The following IMPG1 variants were observed in gnomAD, a reference collection of about 807,000 sequenced individuals.
IMPG1 encodes the protein interphotoreceptor matrix proteoglycan of 150 kDa.
Under a neutral mutation model 92.0 loss-of-function variants are expected in IMPG1, and 85 were observed. That is an observed-to-expected ratio of 0.92 (90% CI 0.78 to 1.11). IMPG1 has a LOEUF of 1.11. IMPG1 is among the 50% of genes least tolerant of loss of function. The pLI is 0.00. For missense variants in IMPG1, 1,022 were observed against 956.0 expected, an observed-to-expected ratio of 1.07 and a Z score of -0.91; for synonymous variants, 367 against 334.1, an observed-to-expected ratio of 1.10 and a Z score of -1.08.
chr6:76,061,524 G>A (rs1330223713), intron 1 of IMPG1, among the ~76,000 whole-genome samples: 2 of 152,202 alleles, frequency 1.3e-5, no homozygotes, highest in Non-Finnish European at 2.9e-5. Flanking sequence ...TTGGCAAGAA[G>A]TGGAGTGTCT....
chr6:76,028,331 T>C (rs1163896710), intron 4 of IMPG1, among the ~76,000 whole-genome samples: 2 of 152,186 alleles, frequency 1.3e-5, no homozygotes, highest in Non-Finnish European at 2.9e-5. Context: ...TTCTGTTAAC[T>C]TTGGAGATTG....
At chr6:76,029,540 G>A (rs917447624) in intron 4 of IMPG1, among the ~76,000 whole-genome samples, 8 of 152,064 alleles carry the variant, frequency 5.3e-5, no homozygotes, top group East Asian at 3.9e-4. Context: ...TTAAGATTTT[G>A]CCTATATTTT....
chr6:76,014,861 G>T (rs1043144780), intron 7 of IMPG1, among the ~76,000 whole-genome samples: 3 of 152,188 alleles, frequency 2.0e-5, no homozygotes, highest in African/African-American at 7.2e-5. Context: ...TGCCCTCTTT[G>T]TGAACCTATC....
At chr6:76,026,889 G>C (rs1783549274) in intron 4 of IMPG1, among the ~76,000 whole-genome samples, 1 of 152,090 alleles carries the variant, frequency 6.6e-6, no homozygotes, top group Admixed American at 6.6e-5. Context: ...TAACTCCAGT[G>C]GCAAGACTTT....
intron 1 of IMPG1, among the ~76,000 whole-genome samples, chr6:76,062,811 A>T (rs1186042154): frequency 6.6e-6 from 1 of 152,028 alleles, no homozygotes; most frequent in Non-Finnish European, 1.5e-5. Context: ...TAACACATCT[A>T]AGATACTTAT....
intron 12 of IMPG1, among the ~76,000 whole-genome samples, chr6:75,987,647 C>CTTT (rs529646405): frequency 3.5e-5 from 5 of 141,246 alleles, no homozygotes; most frequent in Admixed American, 7.1e-5. Flanking sequence ...GAACTCATCA[C>CTTT]TTTTTTTTTT....
Position 75,975,075 on chromosome 6 carries a change from C to T in IMPG1, c.1292-23981G>A, listed in dbSNP as rs566470182. On this transcript the variant is annotated intron_variant, in intron 12 of 16. Transcript: ENST00000369950. ...ATCTGTTGACTTGGATGTGCCTGTG[C>T]CAGGAACATATATGCTCCCTGAAGG... 6.7e-4 allele frequency among the ~76,000 whole-genome samples: 102 copies of T among 152,304 alleles called. 2 individuals carry two copies. In the South Asian group the frequency reaches 0.012, roughly 18 times the overall value.
intron 14 of IMPG1, among the ~76,000 whole-genome samples, chr6:75,933,193 A>G (rs557817131): frequency 1.3e-5 from 2 of 152,356 alleles, no homozygotes; most frequent in African/African-American, 4.8e-5. Flanking sequence ...TAGCAGATTC[A>G]GGAGAAAAAA....
chr6:75,928,043 T>C (rs1405422233), intron 15 of IMPG1, among the ~76,000 whole-genome samples: 1 of 152,082 alleles, frequency 6.6e-6, no homozygotes, highest in Non-Finnish European at 1.5e-5. Context: ...ATGTTTAAAA[T>C]TACGAATTGT....
chr6:75,988,037 T>C (rs1321082135), intron 12 of IMPG1, among the ~76,000 whole-genome samples: 3 of 152,182 alleles, frequency 2.0e-5, no homozygotes, highest in Non-Finnish European at 2.9e-5. Flanking sequence ...GACATTTGGA[T>C]TGGTTGCAAG....
chr6:75,968,435 G>A (rs1216992342), intron 12 of IMPG1, among the ~76,000 whole-genome samples: 1 of 151,968 alleles, frequency 6.6e-6, no homozygotes, highest in Admixed American at 6.6e-5. Context: ...TATTAGAATA[G>A]CAATGTAGAA....
chr6:75,926,826 C>G (rs1391075921), intron 15 of IMPG1, among the ~76,000 whole-genome samples: 1 of 151,828 alleles, frequency 6.6e-6, no homozygotes, highest in Non-Finnish European at 1.5e-5. Flanking sequence ...AGTATAGTTA[C>G]AAATATTGGA....
chr6:75,965,839 C>T (rs1782300036), intron 12 of IMPG1, among the ~76,000 whole-genome samples: 1 of 152,032 alleles, frequency 6.6e-6, no homozygotes, highest in Non-Finnish European at 1.5e-5. Context: ...GATCTCCTGA[C>T]CTTGTGATCT....
intron 1 of IMPG1, among the ~76,000 whole-genome samples, chr6:76,063,358 C>G (rs1784242034): frequency 6.6e-6 from 1 of 152,082 alleles, no homozygotes; most frequent in African/African-American, 2.4e-5. Flanking sequence ...CCAGAAGAAA[C>G]TAGGGCACAG....
At position 76,031,100 on chromosome 6, in the gene IMPG1, T is replaced by C. The variant is rs183557794; in HGVS notation, c.497+3215A>G. 4.5e-3 allele frequency among the ~76,000 whole-genome samples: 687 copies of C among 152,278 alleles called. 8 individuals are homozygous for C. The highest frequency in any genetic ancestry group is 0.016 in the South Asian group (78 of 4,826). ...AACCATCTGCAAGCCTAAATTTTCA[T>C]GGCTGTGGGACGGACAAGGACCCCA... On this transcript the variant is annotated intron_variant, in intron 4 of 16. Transcript: ENST00000369950.
chr6:75,935,766 G>T (rs190969360), intron 14 of IMPG1, among the ~76,000 whole-genome samples: 1 of 152,196 alleles, frequency 6.6e-6, no homozygotes, highest in East Asian at 1.9e-4. Flanking sequence ...AATGCAACCC[G>T]TACTGGATTA....
intron 1 of IMPG1, among the ~76,000 whole-genome samples, chr6:76,071,640 T>G (rs915418206): frequency 6.6e-6 from 1 of 152,064 alleles, no homozygotes; most frequent in African/African-American, 2.4e-5. Context: ...TTAGTTAAAA[T>G]GTTTATCATC....
At chr6:75,956,725 C>A (rs116149964) in intron 12 of IMPG1, among the ~76,000 whole-genome samples, 7,323 of 152,212 alleles carry the variant, frequency 0.048, 196 homozygotes, top group East Asian at 0.1. Context: ...CTTTGGTGGG[C>A]ATTTAGTGGT....
intron 10 of IMPG1, among the ~76,000 whole-genome samples, chr6:76,004,236 G>A (rs1428231091): frequency 6.6e-6 from 1 of 152,158 alleles, no homozygotes; most frequent in Non-Finnish European, 1.5e-5. Context: ...AAGCAGGCTG[G>A]CTAATTATCT....
Sources: allele counts gnomAD v4.1 joint callset (sites outside exome capture counted in the v4.1 genomes callset), GRCh38; gene constraint gnomAD v4.1.1; transcripts MANE v1.5; gene names NCBI Gene and HGNC (gene_info 2026-07-23, HGNC 2026-07-21).